Variants in TUSC3 observed in about 807,000 individuals in gnomAD.
TUSC3 encodes the protein dolichyl-diphosphooligosaccharide--protein glycosyltransferase subunit TUSC3.
Under a neutral mutation model 44.8 loss-of-function variants are expected in TUSC3, and 45 were observed. That is an observed-to-expected ratio of 1.00 (90% confidence interval 0.79 to 1.29). The LOEUF is 1.29. TUSC3 is among the 50% of genes most tolerant of loss of function. The pLI is 0.00. For missense variants in TUSC3, 519 were observed against 437.9 expected, an observed-to-expected ratio of 1.19 and a Z score of -1.65; for synonymous variants, 212 against 152.9, an observed-to-expected ratio of 1.39 and a Z score of -2.85.
intron 1 of TUSC3, among the ~76,000 whole-genome samples, chr8:15,562,704 C>G (rs1033880782): frequency 2.0e-5 from 3 of 152,086 alleles, no homozygotes; most frequent in African/African-American, 7.2e-5. Flanking sequence ...TGTTTTCTTC[C>G]TGCTTGTGTT....
chr8:15,590,556 A>T (rs546348222), intron 1 of TUSC3, among the ~76,000 whole-genome samples: 1 of 152,192 alleles, frequency 6.6e-6, no homozygotes, highest in South Asian at 2.1e-4. Flanking sequence ...GAGGTTCTAG[A>T]ATAGAAGGAA....
At chr8:15,581,610 G>A (rs1194757616) in intron 1 of TUSC3, among the ~76,000 whole-genome samples, 82 of 149,878 alleles carry the variant, frequency 5.5e-4, no homozygotes, top group Middle Eastern at 3.5e-3. Flanking sequence ...GCTGCGGGGT[G>A]CCTCCCAGTT....
At chr8:15,442,417 T>C (rs1000410046) in intron 1 of TUSC3, among the ~76,000 whole-genome samples, 7 of 152,136 alleles carry the variant, frequency 4.6e-5, no homozygotes, top group Non-Finnish European at 8.8e-5. Context: ...GAAGGGCTAA[T>C]TTTAAATCCC....
intron 1 of TUSC3, among the ~76,000 whole-genome samples, chr8:15,481,668 C>G (rs550001984): frequency 1.1e-3 from 162 of 152,258 alleles, no homozygotes; most frequent in Non-Finnish European, 2.1e-3. Flanking sequence ...GTACTTTAGT[C>G]TGTTAAGTGT....
At chr8:15,620,895 A>T (rs1267569209) in intron 1 of TUSC3, among the ~76,000 whole-genome samples, 2 of 152,174 alleles carry the variant, frequency 1.3e-5, no homozygotes, top group Non-Finnish European at 2.9e-5. Flanking sequence ...GTTTTCATAG[A>T]TACATATTTG....
intron 2 of TUSC3, among the ~76,000 whole-genome samples, chr8:15,643,765 G>A (rs1000476498): frequency 2.0e-5 from 3 of 152,124 alleles, no homozygotes; most frequent in African/African-American, 4.8e-5. Context: ...TATGTATAGC[G>A]CAACCAGAGG....
At chr8:15,717,071 A>G (rs1810087237) in intron 6 of TUSC3, among the ~76,000 whole-genome samples, 1 of 152,140 alleles carries the variant, frequency 6.6e-6, no homozygotes, top group African/African-American at 2.4e-5. Context: ...TTTCCCTACA[A>G]TAGACAGAAT....
At chr8:15,804,009 T>C in the TUSC3 span, among the ~76,000 whole-genome samples, 1 of 152,206 alleles carries the variant, frequency 6.6e-6, no homozygotes. Flanking sequence ...GCAATAAACA[T>C]ACGTGTGCAT....
At chr8:15,580,952 C>T (rs1214072938) in intron 1 of TUSC3, among the ~76,000 whole-genome samples, 1 of 111,830 alleles carries the variant, frequency 8.9e-6, no homozygotes, top group African/African-American at 4.0e-5. Context: ...CTTTCAGGTA[C>T]ACCAATCAGA....
chr8:15,628,545 C>T (rs1003897349), intron 2 of TUSC3, among the ~76,000 whole-genome samples: 11 of 151,902 alleles, frequency 7.2e-5, no homozygotes, highest in East Asian at 1.9e-4. Context: ...GGGTCAGTGT[C>T]GGGGTAGGAT....
chr8:15,758,758 G>A (rs1296816470), intron 10 of TUSC3, among the ~76,000 whole-genome samples: 3 of 152,008 alleles, frequency 2.0e-5, no homozygotes, highest in Non-Finnish European at 4.4e-5. Flanking sequence ...ATTCCTCATT[G>A]TTAAATGTGG....
intron 2 of TUSC3, among the ~76,000 whole-genome samples, chr8:15,490,611 T>G (rs1236236730): frequency 6.6e-6 from 1 of 152,152 alleles, no homozygotes; most frequent in Admixed American, 6.5e-5. Context: ...AGCTGCCAGG[T>G]GTGCTGGGTC....
At chr8:15,541,133 G>A (rs2129132732) in intron 1 of TUSC3, among the ~76,000 whole-genome samples, 2 of 152,260 alleles carry the variant, frequency 1.3e-5, no homozygotes, top group East Asian at 3.9e-4. Flanking sequence ...AAGTTATCCT[G>A]TATGTTTACT....
At chr8:15,534,711 C>T (rs976385085) in intron 2 of TUSC3, among the ~76,000 whole-genome samples, 10 of 151,546 alleles carry the variant, frequency 6.6e-5, no homozygotes, top group East Asian at 1.9e-4. Flanking sequence ...ATGAACGATT[C>T]GTGAATCCAG....
At chr8:15,596,748 C>T (rs1320268467) in intron 1 of TUSC3, among the ~76,000 whole-genome samples, 1 of 151,950 alleles carries the variant, frequency 6.6e-6, no homozygotes, top group Non-Finnish European at 1.5e-5. Context: ...ATTTATGTTG[C>T]TGAACTGATT....
At chr8:15,545,490 A>G (rs1346592) in intron 1 of TUSC3, among the ~76,000 whole-genome samples, 31,224 of 151,612 alleles carry the variant, frequency 0.21, 3,726 homozygotes, top group East Asian at 0.34. Flanking sequence ...GTCTTCTTTG[A>G]CTATGTGCTA....
intron 5 of TUSC3, among the ~76,000 whole-genome samples, chr8:15,668,747 C>T (rs1331285652): frequency 1.3e-5 from 2 of 151,714 alleles, no homozygotes; most frequent in Non-Finnish European, 3.0e-5. Context: ...CTGTTTTATT[C>T]TTACTCTTTT....
At chr8:15,502,849 C>G (rs933814783) in intron 2 of TUSC3, among the ~76,000 whole-genome samples, 5 of 152,202 alleles carry the variant, frequency 3.3e-5, no homozygotes, top group African/African-American at 1.2e-4. Context: ...AGAAGCTCAT[C>G]TTTGAGTGCC....
At chr8:15,730,639 G>A (rs1162209486) in intron 6 of TUSC3, 27 bp from the exon 7 acceptor site, 33 of 1,609,808 alleles carry the variant, frequency 2.0e-5, no homozygotes, top group Admixed American at 8.4e-5. Context: ...TTCTCAGACT[G>A]TAATTTCTGT....
Sources: gnomAD v4.1 joint callset for allele counts (sites outside exome capture counted in the v4.1 genomes callset) on GRCh38, gnomAD v4.1.1 for gene constraint, MANE v1.5 for transcripts, NCBI Gene and HGNC (gene_info 2026-07-23, HGNC 2026-07-21) for gene names.